Variants in CACNA2D3 observed in about 807,000 individuals in gnomAD.
CACNA2D3 encodes the protein voltage-dependent calcium channel subunit alpha-2/delta-3.
A neutral mutation model predicts 160.6 loss-of-function variants in CACNA2D3; 60 were observed. The observed-to-expected ratio is 0.37, with a 90% CI of 0.30 to 0.46. The LOEUF (loss-of-function observed/expected upper bound fraction) is 0.46, where lower values mean the gene tolerates loss of function less well. Among genes scored for constraint, CACNA2D3 ranks in the 20% least tolerant of loss-of-function variants. The pLI is 1.00. For missense variants in CACNA2D3, 1,205 were observed against 1,365.0 expected, an observed-to-expected ratio of 0.88 and a Z score of 1.85; for synonymous variants, 558 against 492.9, an observed-to-expected ratio of 1.13 and a Z score of -1.75.
At chr3:54,632,602 T>C (rs1699265126) in intron 10 of CACNA2D3, 1 of 152,152 alleles carries the variant, frequency 6.6e-6, no homozygotes, top group Non-Finnish European at 1.5e-5. Context: ...CAGATATTTA[T>C]TGAGACTTAA....
chr3:54,514,159 A>T (rs2106969075), intron 5 of CACNA2D3, among the ~76,000 whole-genome samples: 1 of 152,340 alleles, frequency 6.6e-6, no homozygotes, highest in Admixed American at 6.5e-5. Context: ...TCGTTTTAAA[A>T]ATGGGAGGCA....
chr3:54,479,496 G>C (rs971600483), intron 4 of CACNA2D3, among the ~76,000 whole-genome samples: 1 of 152,118 alleles, frequency 6.6e-6, no homozygotes, highest in Non-Finnish European at 1.5e-5. Flanking sequence ...GTAATTATAG[G>C]CCTTTCTGGA....
At chr3:54,829,253 G>C (rs1301038153) in intron 14 of CACNA2D3, among the ~76,000 whole-genome samples, 2 of 152,130 alleles carry the variant, frequency 1.3e-5, no homozygotes, top group East Asian at 3.8e-4. Flanking sequence ...ATCTCTACTG[G>C]GGGTGTGTCT....
chr3:54,473,161 C>T (rs1195741308), intron 4 of CACNA2D3, among the ~76,000 whole-genome samples: 2 of 152,160 alleles, frequency 1.3e-5, no homozygotes, highest in Non-Finnish European at 2.9e-5. Flanking sequence ...ACCAAAACAG[C>T]ATGGTACTGG....
At chr3:54,719,391 C>T (rs1006246083) in intron 11 of CACNA2D3, among the ~76,000 whole-genome samples, 6 of 151,750 alleles carry the variant, frequency 4.0e-5, no homozygotes, top group African/African-American at 2.4e-5. Context: ...TGAATTTTGT[C>T]GAGTGCTTGT....
chr3:54,911,051 C>G (rs1351712894), intron 27 of CACNA2D3, among the ~76,000 whole-genome samples: 1 of 152,116 alleles, frequency 6.6e-6, no homozygotes, highest in African/African-American at 2.4e-5. Flanking sequence ...CCACAACCAC[C>G]CCTCCCATAT....
At chr3:54,533,984 A>G (rs1215691596) in intron 5 of CACNA2D3, among the ~76,000 whole-genome samples, 4 of 152,152 alleles carry the variant, frequency 2.6e-5, no homozygotes, top group African/African-American at 9.7e-5. Flanking sequence ...TTTATTAACC[A>G]CTGTGGTTAT....
chr3:54,794,286 G>A (rs747776337), intron 13 of CACNA2D3, among the ~76,000 whole-genome samples: 1 of 152,064 alleles, frequency 6.6e-6, no homozygotes, highest in Non-Finnish European at 1.5e-5. Flanking sequence ...ACTTCTCACA[G>A]TCTACCTTAC....
chr3:54,598,307 CAAAAAAAA>C lies in CACNA2D3; in HGVS notation c.963+16448_963+16455del, dbSNP rs10656534. Among the ~76,000 whole-genome samples, 20 of 49,850 alleles carry C rather than the reference CAAAAAAAA, an allele frequency of 4.0e-4. No individual in the cohort carries two copies. In the Admixed American group the frequency reaches 4.5e-3, roughly 11 times the overall value. The allele number at this position is 49,850 out of a possible 152,430, so 32.7% of individuals were successfully genotyped here. A position where few individuals can be genotyped will look rare whatever the true frequency, so the allele number is the denominator to read the frequency against. On this transcript the variant is annotated intron_variant, in intron 9 of 37. Transcript: ENST00000474759. The stretch of plus-strand genomic sequence containing the variant: ...TGGGCAACAGCGAGACTCCGTCTCA[CAAAAAAAA>C]AAAAAAAAAAAAAAAAAGAAGAAAG...
chr3:54,618,352 C>CATACATATATATATATATATATATAT (rs56316245), intron 9 of CACNA2D3, among the ~76,000 whole-genome samples: 1 of 119,892 alleles, frequency 8.3e-6, no homozygotes, highest in African/African-American at 3.2e-5. Flanking sequence ...TTGATACATA[C>CATACATATATATATATATATATATAT]ATATATATAT....
At position 54,289,134 on chromosome 3, in the gene CACNA2D3, A is replaced by G. The variant is rs1481610923; in HGVS notation, c.205-31308A>G. 4.6e-5 allele frequency among the ~76,000 whole-genome samples: 7 copies of G among 152,210 alleles called. No homozygotes were observed. The East Asian group carries it at 1.3e-3, about 29-fold the overall frequency. On this transcript the variant is annotated intron_variant, in intron 2 of 37. Coordinates refer to ENST00000474759, the MANE Select transcript of CACNA2D3 (RefSeq NM_018398.3). ...GTCAAATTGTCCCTGTTTGCAGACGACATGATTGTATATCTAGAAAGCCCC... is the reference window on the plus strand; with the variant it reads ...GTCAAATTGTCCCTGTTTGCAGACGGCATGATTGTATATCTAGAAAGCCCC...
chr3:54,474,066 A>G (rs1378840554), intron 4 of CACNA2D3, among the ~76,000 whole-genome samples: 2 of 152,212 alleles, frequency 1.3e-5, no homozygotes, highest in African/African-American at 2.4e-5. Flanking sequence ...CCAAAGGATT[A>G]TGAATCATTC....
At chr3:54,275,466 A>G in intron 2 of CACNA2D3, among the ~76,000 whole-genome samples, 1 of 94,992 alleles carries the variant, frequency 1.1e-5, no homozygotes, top group South Asian at 3.3e-4. Context: ...CTATCAAAAT[A>G]TAAAAAACCC....
intron 2 of CACNA2D3, among the ~76,000 whole-genome samples, chr3:54,177,241 G>C (rs1177249726): frequency 1.3e-5 from 2 of 152,174 alleles, no homozygotes; most frequent in African/African-American, 4.8e-5. Context: ...CATGAGCCCA[G>C]GCTATTTTTG....
At chr3:54,736,862 C>G (rs1374312896) in intron 11 of CACNA2D3, among the ~76,000 whole-genome samples, 2 of 152,144 alleles carry the variant, frequency 1.3e-5, no homozygotes, top group Admixed American at 6.5e-5. Context: ...CAGATTCTCA[C>G]CCTTTGTAAT....
intron 27 of CACNA2D3, among the ~76,000 whole-genome samples, chr3:54,960,637 G>A (rs1221082591): frequency 6.6e-6 from 1 of 152,148 alleles, no homozygotes; most frequent in African/African-American, 2.4e-5. Context: ...TTCTAAGAAA[G>A]CTTTTGAATT....
intron 3 of CACNA2D3, among the ~76,000 whole-genome samples, chr3:54,385,015 C>T (rs577734474): frequency 5.1e-4 from 77 of 152,272 alleles, no homozygotes; most frequent in African/African-American, 1.9e-3. Flanking sequence ...ACCCACCATG[C>T]CTGGCCTAGG....
intron 2 of CACNA2D3, among the ~76,000 whole-genome samples, chr3:54,178,805 T>C (rs1700722214): frequency 6.6e-6 from 1 of 152,160 alleles, no homozygotes; most frequent in African/African-American, 2.4e-5. Context: ...TTTCCTCCTT[T>C]GGATCCAGGG....
chr3:54,165,818 G>A (rs895367531), intron 2 of CACNA2D3, among the ~76,000 whole-genome samples: 2 of 151,994 alleles, frequency 1.3e-5, no homozygotes, highest in Admixed American at 6.6e-5. Flanking sequence ...AACAACAAAT[G>A]AAGAAACAAA....
Sources: allele counts gnomAD v4.1 joint callset (sites outside exome capture counted in the v4.1 genomes callset), GRCh38; gene constraint gnomAD v4.1.1; transcripts MANE v1.5; gene names NCBI Gene and HGNC (gene_info 2026-07-23, HGNC 2026-07-21).